The following TMED2 variants were observed in gnomAD, a reference collection of about 807,000 sequenced individuals.
TMED2 encodes the protein transmembrane p24 trafficking protein 2.
TMED2 carries 3 observed loss-of-function variants against 17.5 expected under a neutral mutation model. That is an observed-to-expected ratio of 0.17 (90% CI 0.08 to 0.44). The LOEUF (loss-of-function observed/expected upper bound fraction) is 0.44, where lower values mean the gene tolerates loss of function less well. Ranked by LOEUF, TMED2 falls within the 20% of genes least tolerant of loss-of-function variation. The probability of loss-of-function intolerance (pLI) is 0.99; values close to 1 mark genes in which losing one functional copy is unlikely to be tolerated. For synonymous variants in TMED2, 95 were observed against 91.0 expected, an observed-to-expected ratio of 1.04 and a Z score of -0.25; for missense variants, 149 against 254.8, an observed-to-expected ratio of 0.58 and a Z score of 2.83.
At chr12:123,596,485 T>G in intron 3 of TMED2, 120 bp from the exon 4 acceptor site, 1 of 1,282,312 alleles carries the variant, frequency 7.8e-7, no homozygotes, top group Admixed American at 2.8e-5. Context: ...GGAACATCTA[T>G]TCTATGAGTG....
Position 123,584,603 on chromosome 12 carries a change from C to T in TMED2, c.-34C>T, listed in dbSNP as rs768353050. 12 of 1,593,214 alleles carry T rather than the reference C, an allele frequency of 7.5e-6. No individual in the cohort carries two copies. The African/African-American group carries it at 1.3e-4, about 18-fold the overall frequency. The stretch of plus-strand genomic sequence containing the variant: ...GCGGCGGCGGCGGCTGTGGAGGCCG[C>T]AGTCCGGGTCCTGGCTTCGGCCTCA... On this transcript the variant is annotated 5_prime_UTR_variant, in exon 1 of 4. Transcript: ENST00000262225.
chr12:123,587,156 ATTTAT>A (rs1467293305), intron 2 of TMED2, among the ~76,000 whole-genome samples: 2 of 151,604 alleles, frequency 1.3e-5, no homozygotes, highest in East Asian at 3.9e-4. Context: ...TCTTTTATTT[ATTTAT>A]TTTAAGATTG....
rs1953444251 is a variant in TMED2 at position 123,598,008 on chromosome 12, T to G, written c.*1279T>G. ...GTTTATTAATGAGGTGACTTTCACC[T>G]TAGGACAACTGTTGCATGCCAAGTT... On this transcript the variant is annotated 3_prime_UTR_variant, in exon 4 of 4. Transcript: ENST00000262225. 6.6e-6 allele frequency: 1 copy of G among 152,632 alleles called. No individual in the cohort carries two copies. The highest frequency in any genetic ancestry group is 1.9e-4 in the East Asian group (1 of 5,206). The allele number at this position is 152,632 out of a possible 1,614,324, so 9.5% of individuals were successfully genotyped here.
chr12:123,590,465 C>A lies in TMED2; in HGVS notation c.481+16C>A, dbSNP rs1292323231. The A allele has an allele frequency of 1.3e-6, 2 of 1,575,454 alleles. No individual in the cohort carries two copies. The highest frequency in any genetic ancestry group is 2.3e-5 in the South Asian group (2 of 88,466). On this transcript the variant is annotated intron_variant, in intron 3 of 3. Transcript: ENST00000262225. ...CACAGAGCCAGTAAGTGAATGCCGT[C>A]ACTTTGCAGCAGTGTCTGATGGTGA...
In TMED2 at chr12:123,596,786, CATA is replaced by C; in HGVS notation, c.*63_*65del. ...TTCACTGTTTACCAAACACCTTGGT[CATA>C]ATAATGTCATTAGTTTCTCCATTTT... On this transcript the variant is annotated 3_prime_UTR_variant, in exon 4 of 4. Coordinates refer to ENST00000262225, the MANE Select transcript of TMED2 (RefSeq NM_006815.4). 2.0e-6 allele frequency: 3 copies of C among 1,500,712 alleles called. No individual in the cohort carries two copies. Among genetic ancestry groups the C allele is most frequent in the Non-Finnish European group, 2.7e-6 (3 of 1,124,016 alleles). 93.0% of individuals were successfully genotyped at this position (1,500,712 alleles called of 1,614,324 possible). A position where few individuals can be genotyped will look rare whatever the true frequency, so the allele number is the denominator to read the frequency against.
At chr12:123,588,196 T>G (rs77018375) in intron 2 of TMED2, among the ~76,000 whole-genome samples, 4 of 150,550 alleles carry the variant, frequency 2.7e-5, no homozygotes, top group Admixed American at 6.6e-5. Context: ...TGTTTTTTTT[T>G]GTTTTTTTTT....
intron 2 of TMED2, 59 bp from the exon 3 acceptor site, chr12:123,590,283 T>TAA: frequency 8.7e-7 from 1 of 1,146,496 alleles, no homozygotes. Context: ...AGACTCTGTC[T>TAA]CAAAAAAAAA....
intron 3 of TMED2, among the ~76,000 whole-genome samples, chr12:123,592,253 C>T: frequency 6.6e-6 from 1 of 152,196 alleles, no homozygotes; most frequent in Non-Finnish European, 1.5e-5. Context: ...CACTTTTTCT[C>T]TCTTATCTTG....
In TMED2 at chr12:123,584,582, C is replaced by T. The variant is rs569859380; in HGVS notation, c.-55C>T. The T allele has an allele frequency of 1.1e-5, 17 of 1,561,518 alleles. No individual in the cohort carries two copies. The highest frequency in any genetic ancestry group is 2.8e-5 in the African/African-American group (2 of 72,666). ...GGCAGCGGGGCGGCGGCGGCGGCGGCGGCGGCGGCTGTGGAGGCCGCAGTC... is the reference window on the plus strand; with the variant it reads ...GGCAGCGGGGCGGCGGCGGCGGCGGTGGCGGCGGCTGTGGAGGCCGCAGTC... On this transcript the variant is annotated 5_prime_UTR_variant, in exon 1 of 4. Transcript: ENST00000262225.
chr12:123,595,414 A>T (rs1231705053), intron 3 of TMED2, among the ~76,000 whole-genome samples: 2 of 152,160 alleles, frequency 1.3e-5, no homozygotes, highest in Non-Finnish European at 2.9e-5. Context: ...GATCCATATA[A>T]CTGAGTAACC....
intron 3 of TMED2, among the ~76,000 whole-genome samples, chr12:123,594,268 G>A (rs774062611): frequency 2.0e-5 from 3 of 151,694 alleles, no homozygotes; most frequent in South Asian, 4.2e-4. Context: ...TCGAGTAGTT[G>A]GGACTACAGG....
chr12:123,590,334 T>G lies in TMED2; in HGVS notation c.374-8T>G, dbSNP rs758540400. 1 of 1,584,780 alleles carries G rather than the reference T, an allele frequency of 6.3e-7. No homozygotes were observed. Among genetic ancestry groups the G allele is most frequent in the South Asian group, 1.1e-5 (1 of 88,332 alleles). ...ACAAATGTGTTTTGTTTTCAAATCC[T>G]TCTATAGCTCACCAGAACAAGCTAG... is the stretch of plus-strand genomic sequence containing the variant. On this transcript the variant is annotated splice_polypyrimidine_tract_variant and splice_region_variant and intron_variant, in intron 2 of 3. Coordinates refer to ENST00000262225, the MANE Select transcript of TMED2 (RefSeq NM_006815.4).
intron 2 of TMED2, among the ~76,000 whole-genome samples, chr12:123,588,555 G>A (rs923906880): frequency 6.6e-5 from 10 of 152,142 alleles, no homozygotes; most frequent in Admixed American, 5.2e-4. Flanking sequence ...GAACTTCTTA[G>A]ATAATTTTTT....
chr12:123,597,026 C>A lies in TMED2; in HGVS notation c.*297C>A, dbSNP rs75049560. Reference sequence around the variant, plus strand: ...TATAGTTTTTATTATTTCTTCTTTTCCTTTTGTTTTCATAATATAATGCAG... The same window carrying A: ...TATAGTTTTTATTATTTCTTCTTTTACTTTTGTTTTCATAATATAATGCAG... On this transcript the variant is annotated 3_prime_UTR_variant, in exon 4 of 4. Coordinates refer to ENST00000262225, the MANE Select transcript of TMED2 (RefSeq NM_006815.4). 0.011 allele frequency: 1,888 copies of A among 177,226 alleles called. 37 individuals carry two copies. Among genetic ancestry groups the A allele is most frequent in the Admixed American group, 0.049 (786 of 16,150 alleles). The allele number at this position is 177,226 out of a possible 1,614,324, so 11.0% of individuals were successfully genotyped here. A position where few individuals can be genotyped will look rare whatever the true frequency, so the allele number is the denominator to read the frequency against.
intron 1 of TMED2, among the ~76,000 whole-genome samples, chr12:123,585,274 T>C (rs1420982322): frequency 6.6e-6 from 1 of 152,220 alleles, no homozygotes; most frequent in East Asian, 1.9e-4. Flanking sequence ...TTAAAATCGA[T>C]TGAGGATTAA....
chr12:123,588,747 G>T (rs1342052261), intron 2 of TMED2, among the ~76,000 whole-genome samples: 1 of 152,110 alleles, frequency 6.6e-6, no homozygotes, highest in Non-Finnish European at 1.5e-5. Flanking sequence ...AGGACTGGAG[G>T]CCATGGAGGC....
chr12:123,589,792 A>C (rs948330748), intron 2 of TMED2, among the ~76,000 whole-genome samples: 2 of 151,730 alleles, frequency 1.3e-5, no homozygotes, highest in Non-Finnish European at 2.9e-5. Context: ...TTTCAAAAAG[A>C]GATTGCCCCA....
chr12:123,597,230 G>C lies in TMED2; in HGVS notation c.*501G>C, dbSNP rs959950339. The C allele has an allele frequency of 2.6e-5, 4 of 152,172 alleles. No homozygotes were observed. Among genetic ancestry groups the C allele is most frequent in the Admixed American group, 2.0e-4 (3 of 15,256 alleles). 9.4% of individuals were successfully genotyped at this position (152,172 alleles called of 1,614,324 possible). On this transcript the variant is annotated 3_prime_UTR_variant, in exon 4 of 4. Transcript: ENST00000262225. Reference sequence around the variant, plus strand: ...TCCTAATGGCAGAGCTCTCTGACTTGGGTGTATGCTGCCAGGCTGGGTACT... The same window carrying C: ...TCCTAATGGCAGAGCTCTCTGACTTCGGTGTATGCTGCCAGGCTGGGTACT...
intron 2 of TMED2, among the ~76,000 whole-genome samples, chr12:123,589,204 C>T (rs999355175): frequency 6.6e-6 from 1 of 152,236 alleles, no homozygotes; most frequent in Non-Finnish European, 1.5e-5. Flanking sequence ...AAGGGCTTGT[C>T]TCTCTACTTA....
Sources: allele counts gnomAD v4.1 joint callset (sites outside exome capture counted in the v4.1 genomes callset), GRCh38; gene constraint gnomAD v4.1.1; transcripts MANE v1.5; gene names NCBI Gene and HGNC (gene_info 2026-07-23, HGNC 2026-07-21).